Variants in NUP214 observed in about 807,000 individuals in gnomAD.
The protein encoded by NUP214 is nucleoporin 214.
Under a neutral mutation model 196.2 loss-of-function variants are expected in NUP214, and 79 were observed. That is an observed-to-expected ratio of 0.40 (90% CI 0.34 to 0.49). The LOEUF is 0.49. Among genes scored for constraint, NUP214 ranks in the 20% least tolerant of loss-of-function variants. The probability of loss-of-function intolerance (pLI) is 0.58; values close to 1 mark genes in which losing one functional copy is unlikely to be tolerated. For missense variants in NUP214, 2,468 were observed against 2,539.0 expected, an observed-to-expected ratio of 0.97 and a Z score of 0.60; for synonymous variants, 1,020 against 990.5, an observed-to-expected ratio of 1.03 and a Z score of -0.56.
At chr9:131,131,382 A>G (rs1040620280) in intron 5 of NUP214, among the ~76,000 whole-genome samples, 6 of 152,200 alleles carry the variant, frequency 3.9e-5, no homozygotes, top group Non-Finnish European at 1.5e-5. Flanking sequence ...ATATCCTTCA[A>G]TATCAATTGA....
Position 131,196,040 on chromosome 9 carries a change from G to GCCCCCCCC in NUP214, c.3721+747_3721+748insCCCCCCCC, listed in dbSNP as rs928537496. ...ACTCTGTGTGTCCCCCCCCCCCCCC[G>GCCCCCCCC]CGCCAAAAAATCCATCAATAGCATG... On this transcript the variant is annotated intron_variant, in intron 28 of 35. Coordinates refer to ENST00000359428, the MANE Select transcript of NUP214 (RefSeq NM_005085.4). Among the ~76,000 whole-genome samples the GCCCCCCCC allele has an allele frequency of 3.4e-4, 2 of 5,952 alleles. 1 individual carries two copies. The highest frequency in any genetic ancestry group is 8.9e-4 in the African/African-American group (2 of 2,238). 3.9% of individuals were successfully genotyped at this position (5,952 alleles called of 152,430 possible). A position where few individuals can be genotyped will look rare whatever the true frequency, so the allele number is the denominator to read the frequency against.
At chr9:131,152,990 G>A (rs1432632877) in intron 17 of NUP214, among the ~76,000 whole-genome samples, 1 of 151,942 alleles carries the variant, frequency 6.6e-6, no homozygotes, top group African/African-American at 2.4e-5. Context: ...TATCCAGGCT[G>A]GTCTCGAACT....
rs1831329599 is a variant in NUP214 at position 131,125,811 on chromosome 9, T to C, written c.45+62T>C. On this transcript the variant is annotated intron_variant, in intron 1 of 35. Coordinates refer to ENST00000359428, the MANE Select transcript of NUP214 (RefSeq NM_005085.4). The surrounding 1 kb of genome is among the most constrained non-coding windows in gnomAD (Gnocchi z 4.1). ...TCCTGGCGTTGCCTTGGAGCCCAGC[T>C]GAAAGGCGAAGCGCGGTGCTGGCTG... is the stretch of plus-strand genomic sequence containing the variant. The C allele has an allele frequency of 2.0e-6, 3 of 1,536,904 alleles. No individual in the cohort carries two copies. Among genetic ancestry groups the C allele is most frequent in the Admixed American group, 4.0e-5 (2 of 50,254 alleles).
chr9:131,213,453 G>C (rs1386566196), intron 30 of NUP214, among the ~76,000 whole-genome samples: 2 of 152,136 alleles, frequency 1.3e-5, no homozygotes, highest in Non-Finnish European at 2.9e-5. Context: ...GGCATTATGG[G>C]CATGAGCCGC....
At chr9:131,209,771 C>T (rs752829690) in intron 30 of NUP214, among the ~76,000 whole-genome samples, 2 of 152,180 alleles carry the variant, frequency 1.3e-5, no homozygotes, top group African/African-American at 4.8e-5. Context: ...ATTCAGCATA[C>T]ATATCCTCCA....
chr9:131,198,460 G>C lies in NUP214; in HGVS notation c.4966G>C (p.Ala1656Pro). 1 of 1,614,220 alleles carries C rather than the reference G, an allele frequency of 6.2e-7. No homozygotes were observed. Among genetic ancestry groups the C allele is most frequent in the Non-Finnish European group, 8.5e-7 (1 of 1,180,038 alleles). The change falls in exon 29 of 36, where the codon GCT becomes CCT. Residue 1656 changes from alanine (A) to proline (P), a missense_variant. By Grantham distance (27) the Ala-to-Pro change is conservative. This residue lies in a region of NUP214 where 1,801 missense variants were observed against 1,779.4 expected (regional missense o/e 1.01). Coordinates refer to ENST00000359428, the MANE Select transcript of NUP214 (RefSeq NM_005085.4). Reference protein sequence around the residue: ...AQPPAASSSSAFNQLTNNTAT... With the variant: ...AQPPAASSSSPFNQLTNNTAT... ...GCCTCCTGCTGCCAGTTCTAGCTCA[G>C]CTTTCAACCAGCTCACCAACAACAC...
chr9:131,127,720 G>A lies in NUP214; in HGVS notation c.241+1G>A, dbSNP rs2133439518. 1 of 1,610,596 alleles carries A rather than the reference G, an allele frequency of 6.2e-7. No homozygotes were observed. The highest frequency in any genetic ancestry group is 8.5e-7 in the Non-Finnish European group (1 of 1,177,196). On this transcript the variant is annotated splice_donor_variant, in intron 2 of 35. Transcript: ENST00000359428. LOFTEE classifies it high-confidence loss of function. ...CCCGGAGATGATCCCAACAAAATAG[G>A]TAAGTTCCCTGGTTTATGTTGCAAA...
intron 18 of NUP214, among the ~76,000 whole-genome samples, chr9:131,161,534 G>A (rs958640054): frequency 1.2e-4 from 18 of 152,134 alleles, no homozygotes; most frequent in African/African-American, 4.3e-4. Flanking sequence ...TGGGATTACA[G>A]GCGTGAGCCA....
chr9:131,190,426 A>G, intron 26 of NUP214: 1 of 692,710 alleles, frequency 1.4e-6, no homozygotes, highest in Non-Finnish European at 2.6e-6. Flanking sequence ...TTCATTGCTG[A>G]TCATGAAATC....
chr9:131,150,444 G>A (rs1832223456), intron 15 of NUP214, 34 bp downstream of exon 15: 2 of 1,607,716 alleles, frequency 1.2e-6, no homozygotes, highest in Non-Finnish European at 1.7e-6. Context: ...TTTTCTGAAA[G>A]TAGCTGACAG....
intron 21 of NUP214, chr9:131,165,366 A>G (rs1832759183): frequency 6.6e-6 from 1 of 152,204 alleles, no homozygotes; most frequent in African/African-American, 2.4e-5. Context: ...TTTTCTTTGC[A>G]TATGTAAATC....
In NUP214 at chr9:131,198,881, G is replaced by C; in HGVS notation, c.5387G>C (p.Gly1796Ala). ...CAGTCTTCTCCCAACACAGGAGGGG[G>C]GCTGTTTGGCCAAAGCAACGCTCCT... is the stretch of plus-strand genomic sequence containing the variant. Reference protein sequence around the residue: ...FGQSSPNTGGGLFGQSNAPAF... With the variant: ...FGQSSPNTGGALFGQSNAPAF... Residue 1796 changes from glycine (G) to alanine (A), a missense_variant, in exon 29 of 36, where the codon GGG (glycine) becomes GCG (alanine). Gly to Ala is a moderately conservative substitution (Grantham distance 60). This residue lies in a region of NUP214 where 1,801 missense variants were observed against 1,779.4 expected (regional missense o/e 1.01). Coordinates refer to ENST00000359428, the MANE Select transcript of NUP214 (RefSeq NM_005085.4). The C allele has an allele frequency of 6.2e-7, 1 of 1,614,168 alleles. No homozygotes were observed. Among genetic ancestry groups the C allele is most frequent in the South Asian group, 1.1e-5 (1 of 91,080 alleles).
At chr9:131,134,331 A>C (rs930577871) in intron 7 of NUP214, among the ~76,000 whole-genome samples, 10 of 152,324 alleles carry the variant, frequency 6.6e-5, no homozygotes, top group African/African-American at 2.4e-4. Context: ...CGTGTTAGGG[A>C]TAGATGATGA....
intron 9 of NUP214, 61 bp downstream of exon 9, chr9:131,136,067 G>T: frequency 7.4e-7 from 1 of 1,352,474 alleles, no homozygotes; most frequent in Non-Finnish European, 1.1e-6. Flanking sequence ...TTTTGAGACA[G>T]TCTCGCTCTG....
At position 131,152,398 on chromosome 9, in the gene NUP214, C is replaced by T. The variant is rs964030577; in HGVS notation, c.2436+504C>T. Among the ~76,000 whole-genome samples, 7 of 151,936 alleles carry T rather than the reference C, an allele frequency of 4.6e-5. 1 individual carries two copies. In the South Asian group the frequency reaches 1.2e-3, roughly 27 times the overall value. On this transcript the variant is annotated intron_variant, in intron 17 of 35. Coordinates refer to ENST00000359428, the MANE Select transcript of NUP214 (RefSeq NM_005085.4). The stretch of plus-strand genomic sequence containing the variant: ...GGCCTCCCAAAGTGCTGGAATTACA[C>T]GCGTGACTGGCCAAAATTTTTTATT...
intron 18 of NUP214, among the ~76,000 whole-genome samples, chr9:131,161,859 G>A (rs181180812): frequency 1.2e-3 from 178 of 152,276 alleles, no homozygotes; most frequent in Admixed American, 2.3e-3. Context: ...ACACCTAGGC[G>A]CTTATGGTGT....
intron 31 of NUP214, among the ~76,000 whole-genome samples, chr9:131,221,133 A>G (rs930483872): frequency 7.9e-5 from 12 of 152,242 alleles, no homozygotes; most frequent in Non-Finnish European, 1.3e-4. Context: ...AATCAGACGT[A>G]ACTTTGGGCT....
At chr9:131,223,252 C>T (rs1218347113) in intron 32 of NUP214, among the ~76,000 whole-genome samples, 2 of 151,972 alleles carry the variant, frequency 1.3e-5, no homozygotes, top group East Asian at 3.9e-4. Context: ...CAGCAACCTC[C>T]AACTCCCTGG....
chr9:131,228,146 T>C lies in NUP214; in HGVS notation c.5903-14T>C, dbSNP rs761032370. ...TTCTCCCTATTTCTGTTTGTTTGCC[T>C]CTGTTTTGCTCAGGTGGCTTCGGTG... On this transcript the variant is annotated splice_polypyrimidine_tract_variant and intron_variant, in intron 32 of 35. Transcript: ENST00000359428. 1.9e-6 allele frequency: 3 copies of C among 1,550,574 alleles called. No homozygotes were observed. The highest frequency in any genetic ancestry group is 2.4e-5 in the South Asian group (2 of 83,274).
Sources: gnomAD v4.1 joint callset for allele counts (sites outside exome capture counted in the v4.1 genomes callset) on GRCh38, gnomAD v4.1.1 for gene constraint, gnomAD v4.1.1 regional missense constraint, Gnocchi (gnomAD v3.1) non-coding constraint, MANE v1.5 for transcripts, NCBI Gene and HGNC (gene_info 2026-07-23, HGNC 2026-07-21) for gene names.